The following BNC2 variants were observed in gnomAD, a reference collection of about 807,000 sequenced individuals.
BNC2 encodes zinc finger protein basonuclin-2.
A neutral mutation model predicts 76.3 loss-of-function variants in BNC2; 20 were observed. The ratio of observed to expected loss-of-function variants is 0.26; its 90% CI spans 0.18 to 0.38. BNC2 has a LOEUF of 0.38. Ranked by LOEUF, BNC2 falls within the 10% of genes least tolerant of loss-of-function variation. The pLI is 1.00. For missense variants in BNC2, 1,382 were observed against 1,399.8 expected (o/e 0.99, Z 0.20); for synonymous variants, 582 against 514.8 (o/e 1.13, Z -1.77).
intron 1 of BNC2, among the ~76,000 whole-genome samples, chr9:16,740,542 G>C (rs1160651482): frequency 6.6e-6 from 1 of 152,188 alleles, no homozygotes; most frequent in African/African-American, 2.4e-5. Context: ...TATTGCAGAG[G>C]AGTTAAGAAG....
chr9:16,607,731 GT>G (rs2133382933), intron 3 of BNC2, among the ~76,000 whole-genome samples: 1 of 152,276 alleles, frequency 6.6e-6, no homozygotes, highest in Admixed American at 6.5e-5. Flanking sequence ...CTAAGGTGAT[GT>G]TTTCCTACCC....
chr9:16,718,264 G>A lies in BNC2; in HGVS notation c.330+9533C>T, dbSNP rs150429361. On this transcript the variant is annotated intron_variant, in intron 3 of 6. Coordinates refer to ENST00000380672, the MANE Select transcript of BNC2 (RefSeq NM_017637.6). ...CTCACCTGTATGAGGCCAGCTTTCC[G>A]GCTGCCCGGCTGGCTACTGAAACAA... is the stretch of plus-strand genomic sequence containing the variant. Among the ~76,000 whole-genome samples, 533 of 152,268 alleles carry A rather than the reference G, an allele frequency of 3.5e-3. 4 individuals are homozygous for A. Among genetic ancestry groups the A allele is most frequent in the African/African-American group, 0.012 (502 of 41,546 alleles).
intron 3 of BNC2, among the ~76,000 whole-genome samples, chr9:16,623,263 T>C (rs949668558): frequency 3.3e-5 from 5 of 152,064 alleles, no homozygotes; most frequent in African/African-American, 1.2e-4. Flanking sequence ...CATACAAGAC[T>C]CAGGACTTAA....
At chr9:16,434,823 C>T in intron 6 of BNC2, 1 of 456,394 alleles carries the variant, frequency 2.2e-6, no homozygotes, top group South Asian at 1.5e-5. Flanking sequence ...GCATGCCTCC[C>T]CTTCTGTGCA....
At chr9:16,449,791 G>C (rs1417416745) in intron 5 of BNC2, among the ~76,000 whole-genome samples, 6 of 150,856 alleles carry the variant, frequency 4.0e-5, no homozygotes, top group Non-Finnish European at 8.8e-5. Flanking sequence ...CAATGGAAAT[G>C]GGGGTGAATG....
intron 1 of BNC2, among the ~76,000 whole-genome samples, chr9:16,826,036 A>C (rs1818447056): frequency 6.6e-6 from 1 of 152,170 alleles, no homozygotes; most frequent in Non-Finnish European, 1.5e-5. Context: ...AAGGCTGATG[A>C]CGAGGGACAC....
At chr9:16,793,866 T>C (rs1051430987) in intron 1 of BNC2, among the ~76,000 whole-genome samples, 1 of 128,116 alleles carries the variant, frequency 7.8e-6, no homozygotes, top group South Asian at 2.6e-4. Flanking sequence ...TTTTGTTTTT[T>C]TGTTTTTTTT....
intron 3 of BNC2, among the ~76,000 whole-genome samples, chr9:16,708,430 A>G (rs1823740675): frequency 6.6e-6 from 1 of 152,354 alleles, no homozygotes; most frequent in South Asian, 2.1e-4. Context: ...TTTGGAGTCG[A>G]GAGATTGGCT....
At chr9:16,733,122 G>T (rs1187930278) in intron 2 of BNC2, among the ~76,000 whole-genome samples, 1 of 152,138 alleles carries the variant, frequency 6.6e-6, no homozygotes, top group African/African-American at 2.4e-5. Context: ...CAGAAGTGGG[G>T]GAACCAACTA....
intron 3 of BNC2, among the ~76,000 whole-genome samples, chr9:16,661,722 C>A (rs373752671): frequency 1.3e-5 from 2 of 152,148 alleles, no homozygotes; most frequent in African/African-American, 4.8e-5. Context: ...TGAGAACATT[C>A]CTGAACTTAA....
intron 3 of BNC2, among the ~76,000 whole-genome samples, chr9:16,668,399 C>G (rs531458586): frequency 8.2e-4 from 125 of 152,324 alleles, no homozygotes; most frequent in Admixed American, 2.4e-3. Flanking sequence ...CTCTGGGCCT[C>G]ACTTTTTCCA....
At chr9:16,508,653 G>T (rs7025366) in intron 5 of BNC2, among the ~76,000 whole-genome samples, 1 of 151,826 alleles carries the variant, frequency 6.6e-6, no homozygotes, top group African/African-American at 2.4e-5. Context: ...ATTGGTTCTT[G>T]GCTCTTTATG....
chr9:16,588,980 AAAAATGC>A (rs1370231880), intron 3 of BNC2, among the ~76,000 whole-genome samples: 4 of 152,236 alleles, frequency 2.6e-5, no homozygotes, highest in Non-Finnish European at 5.9e-5. Flanking sequence ...ACGCAAATTT[AAAAATGC>A]AAAATATGGC....
intron 3 of BNC2, among the ~76,000 whole-genome samples, chr9:16,643,949 G>T (rs950140627): frequency 4.5e-4 from 68 of 152,128 alleles, no homozygotes; most frequent in African/African-American, 1.6e-3. Flanking sequence ...ACTTTCAGAA[G>T]AACCTATGGG....
At chr9:16,535,391 A>G (rs1436080862) in intron 5 of BNC2, among the ~76,000 whole-genome samples, 1 of 152,234 alleles carries the variant, frequency 6.6e-6, no homozygotes, top group Non-Finnish European at 1.5e-5. Flanking sequence ...TATGTTCACT[A>G]TAAACATAGT....
At chr9:16,488,908 C>A (rs1383670628) in intron 5 of BNC2, among the ~76,000 whole-genome samples, 1 of 152,114 alleles carries the variant, frequency 6.6e-6, no homozygotes, top group Non-Finnish European at 1.5e-5. Context: ...ATCATTAAAT[C>A]ATCTATATTA....
rs1820690820 is a variant in BNC2, at chr9:16,420,639, T to C, written c.2640-990A>G. ...ACTTCTTCGACAAGCAAAACTTTTA[T>C]TCTACTCACTCAGTGCTTTGCTTGT... On this transcript the variant is annotated intron_variant, in intron 6 of 6. Transcript: ENST00000380672. Among the ~76,000 whole-genome samples the C allele has an allele frequency of 2.0e-5, 3 of 152,042 alleles. No individual in the cohort carries two copies. In the South Asian group the frequency reaches 6.2e-4, roughly 31 times the overall value.
chr9:16,847,573 C>A (rs773585282), intron 1 of BNC2, among the ~76,000 whole-genome samples: 27 of 152,012 alleles, frequency 1.8e-4, no homozygotes, highest in Non-Finnish European at 3.5e-4. Flanking sequence ...AGGAATAGAA[C>A]ATTAAATTCT....
intron 1 of BNC2, among the ~76,000 whole-genome samples, chr9:16,825,349 T>C (rs938165545): frequency 3.3e-5 from 5 of 152,200 alleles, no homozygotes; most frequent in Non-Finnish European, 7.3e-5. Flanking sequence ...TATTCTCCTC[T>C]TTATTTTTGT....
Sources: allele counts gnomAD v4.1 joint callset (sites outside exome capture counted in the v4.1 genomes callset), GRCh38; gene constraint gnomAD v4.1.1; transcripts MANE v1.5; gene names NCBI Gene and HGNC (gene_info 2026-07-23, HGNC 2026-07-21).